Variants in NBPF9 observed in about 807,000 individuals in gnomAD.
NBPF9 encodes NBPF member 9, also known as NBPF family member NBPF9.
A neutral mutation model predicts 97.8 loss-of-function variants in NBPF9; 91 were observed. That is an observed-to-expected ratio of 0.93 (90% CI 0.79 to 1.11). The LOEUF (loss-of-function observed/expected upper bound fraction) is 1.11. Among genes scored for constraint, NBPF9 ranks in the 50% least tolerant of loss-of-function variants. The pLI, the probability that NBPF9 is intolerant of heterozygous loss-of-function variation, is 0.00. For synonymous variants in NBPF9, 334 were observed against 359.5 expected (o/e 0.93, Z 0.80); for missense variants, 992 against 939.5 (o/e 1.06, Z -0.73).
chr1:149,087,248 ATG>A lies in NBPF9; in HGVS notation c.-195+3503_-195+3504del, dbSNP rs587652499. Among the ~76,000 whole-genome samples, 178 of 147,098 alleles carry A rather than the reference ATG, an allele frequency of 1.2e-3. 2 individuals carry two copies. The highest frequency in any genetic ancestry group is 4.9e-3 in the South Asian group (22 of 4,510). On this transcript the variant is annotated intron_variant, in intron 5 of 29. Transcript: ENST00000584027. ...GTATCAGACTGCAATATATATATAT[ATG>A]TGTGTGTGTGTGTGTCTGTATATAT...
chr1:149,071,067 A>T (rs1553652835), exon 16 of NBPF9: 3 of 1,610,872 alleles, frequency 1.9e-6, no homozygotes, highest in South Asian at 2.2e-5. Flanking sequence ...GGCCATGGCT[A>T]TTTGAATAAG....
intron 9 of NBPF9, 24 bp downstream of exon 9, chr1:149,078,983 C>A (rs2080153595): frequency 2.1e-5 from 23 of 1,089,660 alleles, no homozygotes; most frequent in South Asian, 4.0e-5. Flanking sequence ...GGTTTTGGGT[C>A]ATCAGGGCCT....
intron 12 of NBPF9, among the ~76,000 whole-genome samples, 197 bp downstream of exon 12, chr1:149,075,458 A>G (rs2079778085): frequency 1.3e-5 from 2 of 152,140 alleles, no homozygotes; most frequent in Admixed American, 6.5e-5. Flanking sequence ...CCCCCACCTG[A>G]TTGCAAACAT....
At chr1:149,061,240 T>A in intron 23 of NBPF9, 92 bp downstream of exon 23, 1 of 322,232 alleles carries the variant, frequency 3.1e-6, no homozygotes, top group Non-Finnish European at 5.7e-6. Flanking sequence ...CTTGAAAAGA[T>A]GTAATCGATA....
rs1221500946 is a variant in NBPF9, at chr1:149,082,289, T to C, written c.-53A>G. 14 of 1,553,780 alleles carry C rather than the reference T, an allele frequency of 9.0e-6. No individual in the cohort carries two copies. The South Asian group carries it at 1.3e-4, about 14-fold the overall frequency. On this transcript the variant is annotated 5_prime_UTR_variant, in exon 6 of 30. Coordinates refer to ENST00000584027, the Ensembl canonical transcript of NBPF9. ...ATTCTTACCTTACTGTTGTGAAAAA[T>C]GTGATCACTCCCACAGCACTTTAGG...
exon 30 of NBPF9, chr1:149,055,226 C>G (rs1451762794): frequency 1.1e-5 from 3 of 266,040 alleles, no homozygotes; most frequent in Non-Finnish European, 2.1e-5. Context: ...TCAGCTAAAA[C>G]AAGCCAACAC....
intron 17 of NBPF9, among the ~76,000 whole-genome samples, chr1:149,068,985 A>G (rs1316681513): frequency 1.3e-5 from 2 of 152,176 alleles, no homozygotes; most frequent in East Asian, 1.9e-4. Flanking sequence ...AAACCGCACA[A>G]CTACATGGAA....
exon 18 of NBPF9, chr1:149,065,678 T>A: frequency 6.3e-7 from 1 of 1,592,304 alleles, no homozygotes; most frequent in South Asian, 1.1e-5. Context: ...CTCTTCAGAC[T>A]CCTGCAGATT....
intron 12 of NBPF9, among the ~76,000 whole-genome samples, chr1:149,074,634 A>G (rs2079694539): frequency 6.6e-6 from 1 of 151,164 alleles, no homozygotes; most frequent in African/African-American, 2.4e-5. Flanking sequence ...AGCAACTTGG[A>G]TGGAGCCCAG....
At position 149,075,876 on chromosome 1, in the gene NBPF9, A is replaced by G. The variant is rs782181476; in HGVS notation, c.779-12T>C. 3.1e-6 allele frequency: 3 copies of G among 975,208 alleles called. No homozygotes were observed. Among genetic ancestry groups the G allele is most frequent in the Non-Finnish European group, 1.7e-6 (1 of 601,738 alleles). The allele number at this position is 975,208 out of a possible 1,614,324, so 60.4% of individuals were successfully genotyped here. A position where few individuals can be genotyped will look rare whatever the true frequency, so the allele number is the denominator to read the frequency against. ...GGTGGGGCCAGGGACTGGGGAGAAG[A>G]AAGGCAAACACATGATGGGTTAAAA... On this transcript the variant is annotated splice_polypyrimidine_tract_variant and intron_variant, in intron 11 of 29. Transcript: ENST00000584027.
downstream of NBPF9, chr1:149,053,880 GCA>G (rs1343076248): frequency 1.4e-5 from 2 of 144,644 alleles, no homozygotes; most frequent in African/African-American, 5.3e-5. Flanking sequence ...AATGCCAAAG[GCA>G]CACACAGACA....
At chr1:149,081,325 G>A (rs1553656684) in intron 7 of NBPF9, among the ~76,000 whole-genome samples, 3 of 151,950 alleles carry the variant, frequency 2.0e-5, no homozygotes, top group South Asian at 4.2e-4. Context: ...TCTCCATGTT[G>A]CCCAGGCTAG....
At chr1:149,058,721 C>G (rs1553649581) in intron 26 of NBPF9, 4 of 431,072 alleles carry the variant, frequency 9.3e-6, no homozygotes, top group Non-Finnish European at 1.6e-5. Context: ...TGGCTGGAGA[C>G]TAGGAATAGA....
At chr1:149,097,337 T>C (rs1349047261) in intron 4 of NBPF9, among the ~76,000 whole-genome samples, 1 of 152,214 alleles carries the variant, frequency 6.6e-6, no homozygotes, top group Admixed American at 6.5e-5. Context: ...ACTGTTTCCA[T>C]GGGGTACAAC....
downstream of NBPF9, among the ~76,000 whole-genome samples, chr1:149,052,418 A>G (rs1160731416): frequency 6.6e-6 from 1 of 151,116 alleles, no homozygotes; most frequent in African/African-American, 2.4e-5. Context: ...TTGGCCAAAC[A>G]TGATTCTGGT....
chr1:149,072,533 A>ATG (rs1222280748), intron 14 of NBPF9, among the ~76,000 whole-genome samples, 185 bp downstream of exon 14: 1 of 150,738 alleles, frequency 6.6e-6, no homozygotes. Context: ...ACTTGCAATA[A>ATG]TGTGACCTCC....
At chr1:149,096,900 C>T (rs2081799232) in intron 4 of NBPF9, among the ~76,000 whole-genome samples, 1 of 131,730 alleles carries the variant, frequency 7.6e-6, no homozygotes, top group Non-Finnish European at 1.6e-5. Context: ...GAGCTCCCTG[C>T]CTACAAGACA....
intron 19 of NBPF9, 113 bp from the exon 20 acceptor site, chr1:149,063,918 C>G: frequency 1.5e-6 from 1 of 661,562 alleles, no homozygotes; most frequent in Non-Finnish European, 2.7e-6. Flanking sequence ...AAGGACAGAT[C>G]CATTAATGAG....
At chr1:149,081,489 C>A (rs1209742065) in intron 7 of NBPF9, among the ~76,000 whole-genome samples, 1 of 151,088 alleles carries the variant, frequency 6.6e-6, no homozygotes, top group Non-Finnish European at 1.5e-5. Flanking sequence ...CCTCTTGAAG[C>A]CCCTCAGAGC....
Sources: gnomAD v4.1 joint callset for allele counts (sites outside exome capture counted in the v4.1 genomes callset) on GRCh38, gnomAD v4.1.1 for gene constraint, MANE v1.5 for transcripts, NCBI Gene and HGNC (gene_info 2026-07-23, HGNC 2026-07-21) for gene names.